Variants in MAPK10 observed in about 807,000 individuals in gnomAD.
MAPK10 encodes the protein JNK3 alpha protein kinase.
A neutral mutation model predicts 59.3 loss-of-function variants in MAPK10; 25 were observed. The ratio of observed to expected loss-of-function variants is 0.42; its 90% CI spans 0.31 to 0.59. The LOEUF is 0.59. MAPK10 is among the 20% of genes least tolerant of loss of function. The pLI is 0.15. For synonymous variants in MAPK10, 190 were observed against 200.5 expected (o/e 0.95, Z 0.44); for missense variants, 351 against 568.9 (o/e 0.62, Z 3.90).
At chr4:86,209,515 C>A (rs1015649617) in intron 2 of MAPK10, among the ~76,000 whole-genome samples, 5 of 151,938 alleles carry the variant, frequency 3.3e-5, no homozygotes, top group Non-Finnish European at 7.4e-5. Context: ...CAAAACAAAA[C>A]AAAATTTAAA....
At chr4:86,532,928 G>T (rs1329445178) in intron 1 of MAPK10, among the ~76,000 whole-genome samples, 1 of 152,040 alleles carries the variant, frequency 6.6e-6, no homozygotes, top group East Asian at 1.9e-4. Context: ...GGGCCTTTGT[G>T]TTGGCTACCA....
At chr4:86,264,888 CTTT>C (rs397879051) in intron 2 of MAPK10, among the ~76,000 whole-genome samples, 825 of 95,208 alleles carry the variant, frequency 8.7e-3, no homozygotes, top group African/African-American at 0.028. Context: ...TGGCCCTGGA[CTTT>C]TTTTTTTTTT....
intron 2 of MAPK10, among the ~76,000 whole-genome samples, chr4:86,290,458 A>C (rs185818627): frequency 6.8e-4 from 103 of 152,338 alleles, no homozygotes; most frequent in Admixed American, 2.0e-3. Context: ...CGGCCAATCT[A>C]TCAAAAAGCC....
chr4:86,352,261 T>C (rs550158113), intron 2 of MAPK10: 8 of 140,552 alleles, frequency 5.7e-5, no homozygotes, highest in Non-Finnish European at 1.2e-4. Context: ...AAAAATGATA[T>C]TATATTTATA....
intron 2 of MAPK10, among the ~76,000 whole-genome samples, chr4:86,281,629 C>T (rs1021434113): frequency 6.6e-6 from 1 of 152,032 alleles, no homozygotes; most frequent in Non-Finnish European, 1.5e-5. Flanking sequence ...AGGAATGAAG[C>T]TTGTTGAGCT....
At chr4:86,033,582 T>C (rs1435704574) in intron 11 of MAPK10, among the ~76,000 whole-genome samples, 1 of 152,240 alleles carries the variant, frequency 6.6e-6, no homozygotes, top group Non-Finnish European at 1.5e-5. Context: ...AGTGTACAGC[T>C]GTTGCTGATA....
At chr4:86,124,409 C>T (rs1343978380) in intron 4 of MAPK10, 2 of 151,696 alleles carry the variant, frequency 1.3e-5, no homozygotes, top group East Asian at 3.8e-4. Context: ...ATTTTCTTGG[C>T]ATTTCTCATA....
At chr4:86,029,110 A>G (rs1751865727) in intron 13 of MAPK10, 87 bp downstream of exon 13, 3 of 834,336 alleles carry the variant, frequency 3.6e-6, no homozygotes, top group South Asian at 2.6e-5. Context: ...TCTTTAAGCA[A>G]TGTTATGTTA....
intron 10 of MAPK10, among the ~76,000 whole-genome samples, chr4:86,066,830 A>G (rs921004497): frequency 6.6e-6 from 1 of 151,876 alleles, no homozygotes; most frequent in Admixed American, 6.6e-5. Context: ...AACTACACCA[A>G]TACAAAATCA....
chr4:86,030,650 A>G (rs976090104), intron 12 of MAPK10, among the ~76,000 whole-genome samples: 6 of 152,118 alleles, frequency 3.9e-5, no homozygotes, highest in African/African-American at 1.4e-4. Flanking sequence ...GTATCTTTAT[A>G]ACATTTTCTG....
intron 2 of MAPK10, among the ~76,000 whole-genome samples, chr4:86,353,989 T>C (rs1469300862): frequency 1.3e-5 from 2 of 152,174 alleles, no homozygotes; most frequent in Non-Finnish European, 2.9e-5. Context: ...GCAGAGCAAC[T>C]GTATCTATTT....
At chr4:86,581,842 TA>T (rs1393826584) in intron 1 of MAPK10, among the ~76,000 whole-genome samples, 3 of 146,826 alleles carry the variant, frequency 2.0e-5, no homozygotes, top group Non-Finnish European at 4.5e-5. Context: ...TCTTATGTGT[TA>T]TTTGCTGGCA....
At chr4:86,459,478 T>A (rs1751530819) in intron 1 of MAPK10, among the ~76,000 whole-genome samples, 2 of 152,092 alleles carry the variant, frequency 1.3e-5, no homozygotes, top group African/African-American at 4.8e-5. Context: ...CAATTTGCAA[T>A]TGCAAAAATG....
chr4:86,263,944 C>T (rs929398277), intron 2 of MAPK10, among the ~76,000 whole-genome samples: 8 of 152,150 alleles, frequency 5.3e-5, no homozygotes, highest in Non-Finnish European at 1.2e-4. Context: ...CATTAAAATT[C>T]TCTTTAGCTG....
chr4:86,579,458 T>C (rs1762111935), intron 1 of MAPK10, among the ~76,000 whole-genome samples: 1 of 152,022 alleles, frequency 6.6e-6, no homozygotes, highest in South Asian at 2.1e-4. Flanking sequence ...ACCATTTTTA[T>C]AGTCTGAATC....
intron 2 of MAPK10, among the ~76,000 whole-genome samples, chr4:86,248,874 T>A (rs1441403166): frequency 6.6e-6 from 1 of 152,178 alleles, no homozygotes; most frequent in Non-Finnish European, 1.5e-5. Context: ...TAAATCTGAG[T>A]ATTATAATGG....
At chr4:86,417,136 C>A (rs1284694489) in intron 1 of MAPK10, among the ~76,000 whole-genome samples, 1 of 152,076 alleles carries the variant, frequency 6.6e-6, no homozygotes, top group African/African-American at 2.4e-5. Context: ...TTTCAATTTT[C>A]TTTCTCTTTT....
chr4:86,587,836 C>T (rs1277888643), intron 1 of MAPK10, among the ~76,000 whole-genome samples: 10 of 152,150 alleles, frequency 6.6e-5, no homozygotes, highest in Admixed American at 6.6e-4. Context: ...GAGATATAGA[C>T]CCCTTTGTGA....
At chr4:86,179,298 AC>A (rs1419449399) in intron 3 of MAPK10, among the ~76,000 whole-genome samples, 1 of 152,130 alleles carries the variant, frequency 6.6e-6, no homozygotes, top group Non-Finnish European at 1.5e-5. Context: ...AATAAATTTA[AC>A]CAAGGAGGTG....
Sources: allele counts gnomAD v4.1 joint callset (sites outside exome capture counted in the v4.1 genomes callset), GRCh38; gene constraint gnomAD v4.1.1; transcripts MANE v1.5; gene names NCBI Gene and HGNC (gene_info 2026-07-23, HGNC 2026-07-21).